Variants in KCNK10 observed in about 807,000 individuals in gnomAD.
The protein encoded by KCNK10 is potassium channel subfamily K member 10.
A neutral mutation model predicts 47.7 loss-of-function variants in KCNK10; 25 were observed. That is an observed-to-expected ratio of 0.52 (90% CI 0.38 to 0.73). The LOEUF is 0.73. KCNK10 is among the 30% of genes least tolerant of loss of function. KCNK10 has a pLI of 0.00. For synonymous variants in KCNK10, 303 were observed against 285.6 expected (o/e 1.06, Z -0.61); for missense variants, 563 against 714.5 (o/e 0.79, Z 2.42).
At position 88,198,520 on chromosome 14, in the gene KCNK10, G is replaced by A. The variant is rs60372238; in HGVS notation, c.682-6110C>T. 3.9e-3 allele frequency among the ~76,000 whole-genome samples: 589 copies of A among 152,328 alleles called. 3 individuals are homozygous for A. The highest frequency in any genetic ancestry group is 0.014 in the African/African-American group (567 of 41,572). ...TACTACAGTAACAATGCTACAGACA[G>A]CTAAAAGGTAGACTCACTCTTCTTC... On this transcript the variant is annotated intron_variant, in intron 4 of 6. Transcript: ENST00000319231.
At chr14:88,284,094 G>A (rs1043376850) in intron 1 of KCNK10, among the ~76,000 whole-genome samples, 14 of 152,262 alleles carry the variant, frequency 9.2e-5, no homozygotes, top group Middle Eastern at 3.4e-3. Flanking sequence ...TAAGGGCCTA[G>A]AGTCACATGA....
intron 1 of KCNK10, among the ~76,000 whole-genome samples, chr14:88,266,093 G>T (rs1887244876): frequency 6.6e-6 from 1 of 152,152 alleles, no homozygotes; most frequent in African/African-American, 2.4e-5. Context: ...ATGAGGGCAG[G>T]CACCCTGTCT....
chr14:88,296,699 T>G (rs980051087), intron 1 of KCNK10, among the ~76,000 whole-genome samples: 5 of 152,216 alleles, frequency 3.3e-5, no homozygotes, highest in Non-Finnish European at 7.3e-5. Context: ...TTGAACCCAC[T>G]GGGCTCTGCA....
At chr14:88,300,619 G>T (rs1419839696) in intron 1 of KCNK10, among the ~76,000 whole-genome samples, 1 of 152,172 alleles carries the variant, frequency 6.6e-6, no homozygotes, top group Non-Finnish European at 1.5e-5. Flanking sequence ...TAATTCAAGT[G>T]GGGTTCTTAC....
At chr14:88,269,667 C>A (rs1887355422) in intron 1 of KCNK10, among the ~76,000 whole-genome samples, 1 of 152,130 alleles carries the variant, frequency 6.6e-6, no homozygotes, top group South Asian at 2.1e-4. Context: ...AAACTCCTGT[C>A]CTCAAGCGAC....
intron 2 of KCNK10, among the ~76,000 whole-genome samples, chr14:88,258,290 C>CTTTTTTTTTTTTTTTTT (rs1255773967): frequency 7.3e-6 from 1 of 136,262 alleles, no homozygotes. Context: ...TATGGTGAGT[C>CTTTTTTTTTTTTTTTTT]TTTTTTTTTT....
intron 1 of KCNK10, among the ~76,000 whole-genome samples, chr14:88,290,036 A>T (rs1887843495): frequency 6.6e-6 from 1 of 152,204 alleles, no homozygotes; most frequent in Non-Finnish European, 1.5e-5. Flanking sequence ...CAGCAGGATA[A>T]TGTTCGGTCC....
intron 2 of KCNK10, among the ~76,000 whole-genome samples, chr14:88,255,049 C>T (rs1000148143): frequency 2.6e-5 from 4 of 152,164 alleles, no homozygotes; most frequent in Non-Finnish European, 4.4e-5. Flanking sequence ...TCTGATATAA[C>T]GTCCATGATC....
chr14:88,278,614 C>A (rs559551858), intron 1 of KCNK10, among the ~76,000 whole-genome samples: 2 of 152,226 alleles, frequency 1.3e-5, no homozygotes, highest in African/African-American at 4.8e-5. Context: ...AGAGAAAAAC[C>A]GTTTTCCTAG....
chr14:88,294,813 C>T (rs1221958683), intron 1 of KCNK10, among the ~76,000 whole-genome samples: 3 of 152,186 alleles, frequency 2.0e-5, no homozygotes, highest in Non-Finnish European at 4.4e-5. Context: ...TTCAAGGGCA[C>T]GGTCCCAACC....
chr14:88,322,957 G>A lies in KCNK10; in HGVS notation c.-159C>T. Reference sequence around the variant, plus strand: ...AGGAACCCCAGAAAAAGACAGGTGGGAAAATATTAGCTTGGGGGAGAACTG... The same window carrying A: ...AGGAACCCCAGAAAAAGACAGGTGGAAAAATATTAGCTTGGGGGAGAACTG... On this transcript the variant is annotated 5_prime_UTR_variant, in exon 1 of 7. Transcript: ENST00000319231. This position sits in a 1 kb window ranked among gnomAD's most constrained non-coding sequence, Gnocchi z 4.8. The A allele has an allele frequency of 6.8e-7, 1 of 1,469,066 alleles. No individual in the cohort carries two copies. Among genetic ancestry groups the A allele is most frequent in the East Asian group, 2.5e-5 (1 of 39,828 alleles). 91.0% of individuals were successfully genotyped at this position (1,469,066 alleles called of 1,614,324 possible).
In KCNK10 at chr14:88,260,975, C is replaced by G. The variant is rs1384846701; in HGVS notation, c.402+2227G>C. Among the ~76,000 whole-genome samples, 1 of 152,170 alleles carries G rather than the reference C, an allele frequency of 6.6e-6. No individual in the cohort carries two copies. The highest frequency in any genetic ancestry group is 1.5e-5 in the Non-Finnish European group (1 of 68,036). On this transcript the variant is annotated intron_variant, in intron 2 of 6. Coordinates refer to ENST00000319231, the MANE Select transcript of KCNK10 (RefSeq NM_138317.3). This position sits in a 1 kb window ranked among gnomAD's most constrained non-coding sequence, Gnocchi z 4.5. ...TGTCCTTCATTCAGGTCTCTGAGCT[C>G]TCTCATAAAGATGAGGGTTAAAGAA...
intron 3 of KCNK10, among the ~76,000 whole-genome samples, chr14:88,237,330 A>C (rs1259077232): frequency 6.6e-6 from 1 of 152,190 alleles, no homozygotes; most frequent in Non-Finnish European, 1.5e-5. Flanking sequence ...TGAAGTCTTG[A>C]AGCTCTCAAA....
intron 4 of KCNK10, among the ~76,000 whole-genome samples, chr14:88,209,885 C>T (rs373956633): frequency 3.3e-5 from 5 of 152,178 alleles, no homozygotes; most frequent in African/African-American, 9.7e-5. Context: ...CTGAGCAGGT[C>T]CTACAGGGAT....
intron 1 of KCNK10, among the ~76,000 whole-genome samples, chr14:88,309,794 T>C (rs1477113585): frequency 1.3e-5 from 2 of 152,154 alleles, no homozygotes; most frequent in Non-Finnish European, 2.9e-5. Context: ...GAAGCCTCAA[T>C]GGACTTGGAT....
chr14:88,305,941 A>G (rs912312050), intron 1 of KCNK10, among the ~76,000 whole-genome samples: 1 of 152,176 alleles, frequency 6.6e-6, no homozygotes, highest in African/African-American at 2.4e-5. Flanking sequence ...ATCTTCCATC[A>G]GTTATTGGTT....
At chr14:88,292,275 C>A (rs1394523928) in intron 1 of KCNK10, among the ~76,000 whole-genome samples, 1 of 152,222 alleles carries the variant, frequency 6.6e-6, no homozygotes, top group African/African-American at 2.4e-5. Flanking sequence ...CTTCCCTTTC[C>A]CATGGCTGAT....
intron 1 of KCNK10, among the ~76,000 whole-genome samples, chr14:88,283,607 T>C (rs1887698836): frequency 6.6e-6 from 1 of 152,180 alleles, no homozygotes; most frequent in Admixed American, 6.5e-5. Context: ...AAGCAGAAAA[T>C]GTAAACACAG....
intron 1 of KCNK10, among the ~76,000 whole-genome samples, chr14:88,274,011 A>T (rs758856394): frequency 1.3e-5 from 2 of 151,618 alleles, no homozygotes; most frequent in African/African-American, 2.4e-5. Context: ...AAAAGCAGTT[A>T]TCTCTCCTCA....
Sources: gnomAD v4.1 joint callset for allele counts (sites outside exome capture counted in the v4.1 genomes callset) on GRCh38, gnomAD v4.1.1 for gene constraint, Gnocchi (gnomAD v3.1) non-coding constraint, MANE v1.5 for transcripts, NCBI Gene and HGNC (gene_info 2026-07-23, HGNC 2026-07-21) for gene names.